Variants in CCNY observed in about 807,000 individuals in gnomAD.
The protein encoded by CCNY is cyclin-Y.
A neutral mutation model predicts 42.8 loss-of-function variants in CCNY; 19 were observed. That is an observed-to-expected ratio of 0.44 (90% CI 0.31 to 0.65). The LOEUF is 0.65. Ranked by LOEUF, CCNY falls within the 30% of genes least tolerant of loss-of-function variation. The probability of loss-of-function intolerance (pLI) is 0.07; values close to 1 mark genes in which losing one functional copy is unlikely to be tolerated. For synonymous variants in CCNY, 165 were observed against 162.7 expected, an observed-to-expected ratio of 1.01 and a Z score of -0.11; for missense variants, 370 against 437.3, an observed-to-expected ratio of 0.85 and a Z score of 1.37.
At chr10:35,359,803 G>A (rs1353481827) in intron 1 of CCNY, among the ~76,000 whole-genome samples, 1 of 152,154 alleles carries the variant, frequency 6.6e-6, no homozygotes, top group Non-Finnish European at 1.5e-5. Context: ...CCAGATCCTG[G>A]TGACCACCAT....
At chr10:35,465,785 C>G (rs1170428880) in intron 1 of CCNY, among the ~76,000 whole-genome samples, 1 of 152,280 alleles carries the variant, frequency 6.6e-6, no homozygotes, top group East Asian at 1.9e-4. Context: ...CCGTCGAAAT[C>G]TCACCTGCTC....
chr10:35,263,305 C>T (rs947876285), intron 3 of CCNY, among the ~76,000 whole-genome samples: 2 of 141,206 alleles, frequency 1.4e-5, no homozygotes, highest in African/African-American at 2.7e-5. Context: ...TGCAGTGAGC[C>T]GAGATCGCGC....
chr10:35,492,865 G>C (rs1265051689), intron 2 of CCNY, among the ~76,000 whole-genome samples: 1 of 152,196 alleles, frequency 6.6e-6, no homozygotes, highest in Non-Finnish European at 1.5e-5. Context: ...AGGGACAGGA[G>C]GATGTAGGTT....
At position 35,304,454 on chromosome 10, in the gene CCNY, C is replaced by T. The variant is rs1354207934; in HGVS notation, c.-9+53828C>T. ...CCTCCCAAGTAGCTGGGACTACAGG[C>T]GCCCGCCACTACGCCCGGCTAATTT... On this transcript the variant is annotated intron_variant, in intron 3 of 11. Coordinates refer to the CCNY transcript ENST00000374706. Among the ~76,000 whole-genome samples the T allele has an allele frequency of 1.9e-5, 2 of 106,550 alleles. 1 individual carries two copies. The allele number at this position is 106,550 out of a possible 152,430, so 69.9% of individuals were successfully genotyped here.
At chr10:35,381,879 CAG>C (rs1234357614) in intron 1 of CCNY, among the ~76,000 whole-genome samples, 1 of 152,102 alleles carries the variant, frequency 6.6e-6, no homozygotes. Context: ...AACAGTGAAA[CAG>C]AATGCAAACC....
At chr10:35,408,374 C>T (rs773386422) in intron 1 of CCNY, among the ~76,000 whole-genome samples, 2 of 152,126 alleles carry the variant, frequency 1.3e-5, no homozygotes, top group Non-Finnish European at 2.9e-5. Flanking sequence ...TGGGTGCCGG[C>T]AGGCTGAGTC....
At chr10:35,368,374 G>GA (rs1488182937) in intron 1 of CCNY, among the ~76,000 whole-genome samples, 2 of 152,136 alleles carry the variant, frequency 1.3e-5, no homozygotes. Flanking sequence ...TTTGCAGAGG[G>GA]AAAAAAGCAT....
chr10:35,447,990 C>T (rs1276351300), intron 1 of CCNY, among the ~76,000 whole-genome samples: 1 of 152,214 alleles, frequency 6.6e-6, no homozygotes, highest in African/African-American at 2.4e-5. Flanking sequence ...TCGTTTTCAG[C>T]TATCAGAAAG....
At chr10:35,328,557 C>T (rs1835904915) in intron 3 of CCNY, among the ~76,000 whole-genome samples, 1 of 152,234 alleles carries the variant, frequency 6.6e-6, no homozygotes, top group South Asian at 2.1e-4. Context: ...ACTCATTTCT[C>T]AGGCTCCTGA....
At chr10:35,459,282 G>A (rs1197591093) in intron 1 of CCNY, among the ~76,000 whole-genome samples, 1 of 152,206 alleles carries the variant, frequency 6.6e-6, no homozygotes, top group Non-Finnish European at 1.5e-5. Flanking sequence ...CTCTTCCAAA[G>A]GTGTAGATAG....
chr10:35,465,938 A>AGAGAGAGAGAGAGAGTGTGTGTGTGTGT, intron 1 of CCNY, among the ~76,000 whole-genome samples: 1 of 81,034 alleles, frequency 1.2e-5, no homozygotes, highest in African/African-American at 4.4e-5. Flanking sequence ...AGAGAGAGAG[A>AGAGAGAGAGAGAGAGTGTGTGTGTGTGT]GTGTGTGTGT....
intron 3 of CCNY, among the ~76,000 whole-genome samples, chr10:35,282,392 G>A (rs1171543661): frequency 6.6e-6 from 1 of 151,956 alleles, no homozygotes; most frequent in Admixed American, 6.6e-5. Flanking sequence ...CTCCCAAAGT[G>A]CTGGGATTAC....
At chr10:35,291,061 A>G (rs1181536810) in intron 3 of CCNY, among the ~76,000 whole-genome samples, 1 of 151,694 alleles carries the variant, frequency 6.6e-6, no homozygotes, top group Non-Finnish European at 1.5e-5. Flanking sequence ...GCTGGAGTGC[A>G]ATGGTGCAAT....
At chr10:35,266,599 G>A (rs918818749) in intron 3 of CCNY, among the ~76,000 whole-genome samples, 2 of 152,038 alleles carry the variant, frequency 1.3e-5, no homozygotes, top group South Asian at 2.1e-4. Flanking sequence ...TAAACGAACC[G>A]AACAGAATGT....
At chr10:35,449,194 G>C (rs970881580) in intron 1 of CCNY, among the ~76,000 whole-genome samples, 2 of 151,222 alleles carry the variant, frequency 1.3e-5, no homozygotes, top group Non-Finnish European at 2.9e-5. Flanking sequence ...ACAGTCTTGT[G>C]GCTGAGGTCA....
intron 3 of CCNY, among the ~76,000 whole-genome samples, chr10:35,502,383 C>T (rs1244493645): frequency 1.3e-5 from 2 of 152,192 alleles, no homozygotes; most frequent in African/African-American, 4.8e-5. Context: ...CTGTCTGCAT[C>T]TGTGTATTTG....
chr10:35,441,503 C>T (rs974454064), intron 1 of CCNY, among the ~76,000 whole-genome samples: 10 of 152,114 alleles, frequency 6.6e-5, no homozygotes, highest in South Asian at 2.1e-4. Context: ...GCAGTGGCTG[C>T]GAGGCCGAGG....
In CCNY at chr10:35,338,720, G is replaced by A. The variant is rs182171500; in HGVS notation, c.154+1513G>A. On this transcript the variant is annotated intron_variant, in intron 1 of 9. Transcript: ENST00000374704. The stretch of plus-strand genomic sequence containing the variant: ...ACAGGCGAAAACATTTGGAAATAAT[G>A]TCTTCTTTATGATGTGCAGTAAATT... Among the ~76,000 whole-genome samples, 125 of 152,298 alleles carry A rather than the reference G, an allele frequency of 8.2e-4. 1 individual carries two copies. Among genetic ancestry groups the A allele is most frequent in the Middle Eastern group, 6.8e-3 (2 of 294 alleles).
intron 1 of CCNY, among the ~76,000 whole-genome samples, chr10:35,374,346 C>T (rs865862953): frequency 6.6e-6 from 1 of 152,160 alleles, no homozygotes; most frequent in African/African-American, 2.4e-5. Context: ...ACACAGATGT[C>T]TCCTCATAGG....
Sources: gnomAD v4.1 joint callset for allele counts (sites outside exome capture counted in the v4.1 genomes callset) on GRCh38, gnomAD v4.1.1 for gene constraint, MANE v1.5 for transcripts, NCBI Gene and HGNC (gene_info 2026-07-23, HGNC 2026-07-21) for gene names.